SLC25A33: variants seen among roughly 807,000 people sequenced by gnomAD.
SLC25A33 encodes solute carrier family 25 member 33, also known as bone marrow stromal cell mitochondrial carrier protein.
A neutral mutation model predicts 35.5 loss-of-function variants in SLC25A33; 15 were observed. The observed-to-expected ratio is 0.42, with a 90% CI of 0.28 to 0.65. The LOEUF (loss-of-function observed/expected upper bound fraction) is 0.65, where lower values mean the gene tolerates loss of function less well. Among genes scored for constraint, SLC25A33 ranks in the 30% least tolerant of loss-of-function variants. The pLI, the probability that SLC25A33 is intolerant of heterozygous loss-of-function variation, is 0.20. For synonymous variants in SLC25A33, 136 were observed against 148.7 expected (o/e 0.91, Z 0.62); for missense variants, 257 against 398.5 (o/e 0.64, Z 3.02).
rs200656197 is a variant in SLC25A33, at chr1:9,553,215, T to G, written c.57-411T>G. Among the ~76,000 whole-genome samples the G allele has an allele frequency of 0.015, 1,968 of 135,596 alleles. 90 individuals carry two copies. The East Asian group carries it at 0.19, about 13-fold the overall frequency. The allele number at this position is 135,596 out of a possible 152,430, so 89.0% of individuals were successfully genotyped here. A position where few individuals can be genotyped will look rare whatever the true frequency, so the allele number is the denominator to read the frequency against. On this transcript the variant is annotated intron_variant, in intron 1 of 6. Coordinates refer to ENST00000302692, the MANE Select transcript of SLC25A33 (RefSeq NM_032315.3). ...GTGTTCTAGTTTTGTTTTTTTTTTT[T>G]TTTTTTTTTTTTGGGTTTTTTTTTT... is the stretch of plus-strand genomic sequence containing the variant.
chr1:9,548,306 G>T (rs183373081), intron 1 of SLC25A33, among the ~76,000 whole-genome samples: 1 of 152,344 alleles, frequency 6.6e-6, no homozygotes, highest in South Asian at 2.1e-4. Context: ...AATGGGCTGG[G>T]CGCGGTGGCT....
chr1:9,561,957 A>G (rs889651328), intron 2 of SLC25A33, among the ~76,000 whole-genome samples: 1 of 152,044 alleles, frequency 6.6e-6, no homozygotes, highest in African/African-American at 2.4e-5. Context: ...AACCCTTAAA[A>G]GAGCAATACT....
At chr1:9,562,122 C>T (rs988095138) in intron 2 of SLC25A33, among the ~76,000 whole-genome samples, 13 of 150,402 alleles carry the variant, frequency 8.6e-5, no homozygotes, top group African/African-American at 1.2e-4. Context: ...CTGAGGTGGG[C>T]GGATCACCTG....
At chr1:9,541,278 C>G (rs891624570) in intron 1 of SLC25A33, among the ~76,000 whole-genome samples, 2 of 151,798 alleles carry the variant, frequency 1.3e-5, no homozygotes, top group Non-Finnish European at 2.9e-5. Context: ...CTCAGCCTCC[C>G]GAGTAGCTGG....
chr1:9,568,845 CAA>C (rs546339308), intron 3 of SLC25A33, among the ~76,000 whole-genome samples: 2 of 125,178 alleles, frequency 1.6e-5, no homozygotes, highest in Middle Eastern at 3.9e-3. Flanking sequence ...GACTCTGTCT[CAA>C]AAAAAAAAAG....
Position 9,583,370 on chromosome 1 carries a change from C to T in SLC25A33, c.*869C>T, listed in dbSNP as rs2100419020. 1 of 152,250 alleles carries T rather than the reference C, an allele frequency of 6.6e-6. No homozygotes were observed. The highest frequency in any genetic ancestry group is 1.9e-4 in the East Asian group (1 of 5,190). 9.4% of individuals were successfully genotyped at this position (152,250 alleles called of 1,614,324 possible). A position where few individuals can be genotyped will look rare whatever the true frequency, so the allele number is the denominator to read the frequency against. On this transcript the variant is annotated 3_prime_UTR_variant, in exon 7 of 7. Transcript: ENST00000302692. Reference sequence around the variant, plus strand: ...GATGAATATATATAACTTTCTGAGACTCAATATTTTAAGCTATAAAAAACT... The same window carrying T: ...GATGAATATATATAACTTTCTGAGATTCAATATTTTAAGCTATAAAAAACT...
chr1:9,544,844 G>A (rs12045493), intron 1 of SLC25A33, among the ~76,000 whole-genome samples: 22,912 of 152,154 alleles, frequency 0.15, 1,865 homozygotes, highest in East Asian at 0.29. Flanking sequence ...TATGCATAGG[G>A]AGCAGAGGCT....
rs371324413 is a variant in SLC25A33 at position 9,549,449 on chromosome 1, G to A, written c.57-4177G>A. 1.9e-3 allele frequency among the ~76,000 whole-genome samples: 233 copies of A among 123,538 alleles called. 1 individual carries two copies. Among genetic ancestry groups the A allele is most frequent in the African/African-American group, 6.7e-3 (219 of 32,552 alleles). The allele number at this position is 123,538 out of a possible 152,430, so 81.0% of individuals were successfully genotyped here. A position where few individuals can be genotyped will look rare whatever the true frequency, so the allele number is the denominator to read the frequency against. ...GATGAACTGATGGTGGGATCAATGC[G>A]GGGGATGAACTGCTGATGGGATCAA... On this transcript the variant is annotated intron_variant, in intron 1 of 6. Transcript: ENST00000302692.
At chr1:9,556,687 GTGTGTGTGTGTGTC>G (rs1486332322) in intron 2 of SLC25A33, among the ~76,000 whole-genome samples, 1 of 151,786 alleles carries the variant, frequency 6.6e-6, no homozygotes, top group African/African-American at 2.4e-5. Flanking sequence ...GTGTCTGTGT[GTGTGTGTGTGTGTC>G]TGTGTGTGTG....
At chr1:9,580,515 G>C (rs1378065274) in intron 6 of SLC25A33, among the ~76,000 whole-genome samples, 1 of 152,194 alleles carries the variant, frequency 6.6e-6, no homozygotes, top group African/African-American at 2.4e-5. Context: ...TAAAAATCTG[G>C]ATTGTATTTA....
In SLC25A33 at chr1:9,571,646, G is replaced by T. The variant is rs562676058; in HGVS notation, c.415+1288G>T. Among the ~76,000 whole-genome samples the T allele has an allele frequency of 6.0e-3, 893 of 149,690 alleles. 6 individuals carry two copies. Among genetic ancestry groups the T allele is most frequent in the Non-Finnish European group, 0.01 (685 of 67,478 alleles). ...GGGTTTTTTTTTTTTAATTGGTATT[G>T]TTTTGTTTTGATACAGGGTCTGGCT... On this transcript the variant is annotated intron_variant, in intron 4 of 6. Coordinates refer to ENST00000302692, the MANE Select transcript of SLC25A33 (RefSeq NM_032315.3).
chr1:9,569,600 T>G (rs534719173), intron 3 of SLC25A33, among the ~76,000 whole-genome samples: 1 of 152,308 alleles, frequency 6.6e-6, no homozygotes, highest in East Asian at 1.9e-4. Context: ...ATTCTATGAT[T>G]GATTCATTGA....
At chr1:9,581,496 A>G (rs925754325) in intron 6 of SLC25A33, among the ~76,000 whole-genome samples, 1 of 152,182 alleles carries the variant, frequency 6.6e-6, no homozygotes, top group Non-Finnish European at 1.5e-5. Context: ...TGGGAGGCCA[A>G]GATGGGCACA....
At position 9,553,203 on chromosome 1, in the gene SLC25A33, G is replaced by GTTTTTTTTTTTTTTTTT. The variant is rs550067186; in HGVS notation, c.57-415_57-399dup. On this transcript the variant is annotated intron_variant, in intron 1 of 6. Transcript: ENST00000302692. The stretch of plus-strand genomic sequence containing the variant: ...TTAACCTTTATTGTGTTCTAGTTTT[G>GTTTTTTTTTTTTTTTTT]TTTTTTTTTTTTTTTTTTTTTTTTG... Among the ~76,000 whole-genome samples, 69 of 56,492 alleles carry GTTTTTTTTTTTTTTTTT rather than the reference G, an allele frequency of 1.2e-3. 1 individual carries two copies. The highest frequency in any genetic ancestry group is 1.5e-3 in the Non-Finnish European group (47 of 30,934). 37.1% of individuals were successfully genotyped at this position (56,492 alleles called of 152,430 possible). A position where few individuals can be genotyped will look rare whatever the true frequency, so the allele number is the denominator to read the frequency against.
chr1:9,548,906 C>T (rs908206933), intron 1 of SLC25A33, among the ~76,000 whole-genome samples: 25 of 152,128 alleles, frequency 1.6e-4, no homozygotes, highest in African/African-American at 6.0e-4. Flanking sequence ...TGCCATTGAC[C>T]AGACTGTCTA....
intron 2 of SLC25A33, among the ~76,000 whole-genome samples, chr1:9,560,950 CTT>C (rs1236263182): frequency 3.2e-4 from 43 of 135,734 alleles, no homozygotes; most frequent in Admixed American, 3.0e-4. Context: ...GAGACACATT[CTT>C]TTTTTTTTTT....
intron 4 of SLC25A33, among the ~76,000 whole-genome samples, chr1:9,571,552 C>T (rs1159142186): frequency 2.0e-5 from 3 of 152,118 alleles, no homozygotes; most frequent in Non-Finnish European, 2.9e-5. Flanking sequence ...GTTGGGATTA[C>T]AGGCGTGAGC....
In SLC25A33 at chr1:9,582,216, A is replaced by C. The variant is rs1375523560; in HGVS notation, c.764-83A>C. On this transcript the variant is annotated intron_variant, in intron 6 of 6. Coordinates refer to ENST00000302692, the MANE Select transcript of SLC25A33 (RefSeq NM_032315.3). This position sits in a 1 kb window ranked among gnomAD's most constrained non-coding sequence, Gnocchi z 4.0. ...GGTGTGAGCCACCGCACCCGGCCTAACCTTGACAGTTTTAAAGTTGTGTGC... is the reference window on the plus strand; with the variant it reads ...GGTGTGAGCCACCGCACCCGGCCTACCCTTGACAGTTTTAAAGTTGTGTGC... 9.3e-6 allele frequency: 14 copies of C among 1,504,120 alleles called. No homozygotes were observed. Among genetic ancestry groups the C allele is most frequent in the Non-Finnish European group, 1.3e-5 (14 of 1,083,494 alleles). The allele number at this position is 1,504,120 out of a possible 1,614,324, so 93.2% of individuals were successfully genotyped here.
chr1:9,564,852 A>G (rs947904321), intron 2 of SLC25A33, among the ~76,000 whole-genome samples: 7 of 150,504 alleles, frequency 4.7e-5, no homozygotes, highest in African/African-American at 7.3e-5. Context: ...TGAACTTAGG[A>G]GGTGAAGGTT....
Sources: allele counts gnomAD v4.1 joint callset (sites outside exome capture counted in the v4.1 genomes callset), GRCh38; gene constraint gnomAD v4.1.1; non-coding constraint Gnocchi (gnomAD v3.1); transcripts MANE v1.5; gene names NCBI Gene and HGNC (gene_info 2026-07-23, HGNC 2026-07-21).